The following DLG1 variants were observed in gnomAD, a reference collection of about 807,000 sequenced individuals.
The protein encoded by DLG1 is disks large homolog 1.
In DLG1, 42 loss-of-function variants were observed where a neutral mutation model predicts 123.4. That is an observed-to-expected ratio of 0.34 (90% CI 0.27 to 0.44). The LOEUF (loss-of-function observed/expected upper bound fraction) is 0.44. Ranked by LOEUF, DLG1 falls within the 20% of genes least tolerant of loss-of-function variation. DLG1 has a pLI of 1.00. For synonymous variants in DLG1, 317 were observed against 356.2 expected, an observed-to-expected ratio of 0.89 and a Z score of 1.24; for missense variants, 942 against 1,082.6, an observed-to-expected ratio of 0.87 and a Z score of 1.82.
chr3:197,297,448 A>T, intron 1 of DLG1: 1 of 1,378,492 alleles, frequency 7.3e-7, no homozygotes, highest in Non-Finnish European at 9.4e-7. Context: ...GAACAGACAG[A>T]AGTCGGCTTC....
At chr3:197,050,295 A>G (rs1726510306) in intron 24 of DLG1, among the ~76,000 whole-genome samples, 1 of 151,662 alleles carries the variant, frequency 6.6e-6, no homozygotes, top group African/African-American at 2.4e-5. Context: ...TGAACACGGA[A>G]GGCGGAGGTT....
intron 4 of DLG1, among the ~76,000 whole-genome samples, chr3:197,211,758 TA>T (rs1342250103): frequency 2.0e-5 from 3 of 146,390 alleles, no homozygotes; most frequent in African/African-American, 7.3e-5. Flanking sequence ...TTACTGGTTA[TA>T]TACCTAGAGG....
rs201399480 is a variant in DLG1 at position 197,207,703 on chromosome 3, T to C, written c.319-13114A>G. Among the ~76,000 whole-genome samples, 66 of 116,058 alleles carry C rather than the reference T, an allele frequency of 5.7e-4. 4 individuals carry two copies. Among genetic ancestry groups the C allele is most frequent in the South Asian group, 1.4e-3 (3 of 2,094 alleles). 76.1% of individuals were successfully genotyped at this position (116,058 alleles called of 152,430 possible). On this transcript the variant is annotated intron_variant, in intron 4 of 24. Coordinates refer to ENST00000667157, the MANE Select transcript of DLG1 (RefSeq NM_001366207.1). ...AGTGAAACAAAGATGAAAATCGGCA[T>C]ATAAATAGAAATTTGGTACTATTTT...
chr3:197,051,453 CTGG>C, intron 24 of DLG1, 121 bp downstream of exon 24: 1 of 700,868 alleles, frequency 1.4e-6, no homozygotes, highest in South Asian at 1.9e-5. Flanking sequence ...ACTGCCTAGG[CTGG>C]ATGATACTAG....
chr3:197,063,506 CTCT>C (rs1305199473), intron 22 of DLG1, among the ~76,000 whole-genome samples: 1 of 152,060 alleles, frequency 6.6e-6, no homozygotes, highest in African/African-American at 2.4e-5. Flanking sequence ...TTCCCATTTT[CTCT>C]TATTTTATAC....
intron 3 of DLG1, among the ~76,000 whole-genome samples, chr3:197,287,288 G>GATAAATAAAC (rs1560165586): frequency 1.3e-5 from 2 of 152,240 alleles, no homozygotes; most frequent in Non-Finnish European, 1.5e-5. Flanking sequence ...CTGCATGAGA[G>GATAAATAAAC]ATAAATAAAC....
Position 197,044,526 on chromosome 3 carries a change from CA to C in DLG1, c.*96del. 1.4e-6 allele frequency: 1 copy of C among 720,060 alleles called. No homozygotes were observed. The highest frequency in any genetic ancestry group is 2.3e-6 in the Non-Finnish European group (1 of 427,698). 44.6% of individuals were successfully genotyped at this position (720,060 alleles called of 1,614,324 possible). A position where few individuals can be genotyped will look rare whatever the true frequency, so the allele number is the denominator to read the frequency against. ...CCATGATGTGTGGGATACAATTCAA[CA>C]TGAAATCAGTACTCAAGAAAGACTC... On this transcript the variant is annotated 3_prime_UTR_variant, in exon 25 of 25. Coordinates refer to ENST00000667157, the MANE Select transcript of DLG1 (RefSeq NM_001366207.1).
intron 22 of DLG1, among the ~76,000 whole-genome samples, chr3:197,063,989 C>T (rs1737658310): frequency 6.8e-6 from 1 of 146,084 alleles, no homozygotes; most frequent in African/African-American, 2.6e-5. Flanking sequence ...AGTGCAGTGG[C>T]ATGGTTTTGG....
rs188353389 is a variant in DLG1, at chr3:197,238,441, G to A, written c.319-43852C>T. 1.1e-3 allele frequency among the ~76,000 whole-genome samples: 167 copies of A among 152,224 alleles called. 4 individuals carry two copies. Among genetic ancestry groups the A allele is most frequent in the Admixed American group, 0.011 (167 of 15,276 alleles). On this transcript the variant is annotated intron_variant, in intron 4 of 24. Transcript: ENST00000667157. ...AAAACTCACAGCAAAGAAATAGAAA[G>A]TCTAAGCAAAGAAATACAAGACACA...
intron 11 of DLG1, among the ~76,000 whole-genome samples, chr3:197,127,746 T>TAA (rs1319631120): frequency 6.6e-6 from 1 of 151,820 alleles, no homozygotes; most frequent in Admixed American, 6.6e-5. Context: ...TCAGAGATAT[T>TAA]ACAGTTCCAT....
At chr3:197,102,941 T>C (rs1764316205) in intron 14 of DLG1, among the ~76,000 whole-genome samples, 1 of 152,224 alleles carries the variant, frequency 6.6e-6, no homozygotes, top group Admixed American at 6.5e-5. Context: ...GCAGGAAAGA[T>C]AGAGGCACAG....
At chr3:197,101,646 C>T (rs1012733808) in intron 14 of DLG1, among the ~76,000 whole-genome samples, 3 of 152,086 alleles carry the variant, frequency 2.0e-5, no homozygotes, top group African/African-American at 7.2e-5. Context: ...GCCTAGGCCT[C>T]CCAAAATGCT....
intron 10 of DLG1, among the ~76,000 whole-genome samples, chr3:197,135,483 TG>T (rs1784631707): frequency 6.6e-6 from 1 of 152,194 alleles, no homozygotes; most frequent in Admixed American, 6.5e-5. Flanking sequence ...CCACCATGAC[TG>T]TAAGTTTCCT....
At chr3:197,083,089 T>C (rs1752178182) in intron 16 of DLG1, among the ~76,000 whole-genome samples, 1 of 152,236 alleles carries the variant, frequency 6.6e-6, no homozygotes, top group African/African-American at 2.4e-5. Context: ...GTTATGCTGA[T>C]TGCTGCATTG....
At chr3:197,287,111 C>T (rs956323412) in intron 3 of DLG1, among the ~76,000 whole-genome samples, 2 of 151,810 alleles carry the variant, frequency 1.3e-5, no homozygotes, top group Non-Finnish European at 2.9e-5. Flanking sequence ...GCTCAAGGAT[C>T]CTCCCACCCT....
intron 6 of DLG1, among the ~76,000 whole-genome samples, chr3:197,145,053 T>TCA (rs1397807957): frequency 6.3e-4 from 89 of 141,336 alleles, no homozygotes; most frequent in Non-Finnish European, 7.4e-4. Flanking sequence ...TCTCTCTCTC[T>TCA]CTCACACACA....
chr3:197,094,407 G>C (rs1010737826), intron 14 of DLG1, among the ~76,000 whole-genome samples: 2 of 152,120 alleles, frequency 1.3e-5, no homozygotes, highest in African/African-American at 4.8e-5. Flanking sequence ...TGTTCTAATG[G>C]CAAACTTTTG....
chr3:197,192,426 T>C (rs1393198933), intron 5 of DLG1, among the ~76,000 whole-genome samples: 1 of 150,644 alleles, frequency 6.6e-6, no homozygotes, highest in East Asian at 1.9e-4. Flanking sequence ...CTTGAGAAAC[T>C]AGAAAAACAA....
intron 5 of DLG1, among the ~76,000 whole-genome samples, chr3:197,170,988 G>A (rs948651133): frequency 6.6e-6 from 1 of 152,134 alleles, no homozygotes; most frequent in African/African-American, 2.4e-5. Context: ...AGATGGCAAG[G>A]AAAAGTATCA....
Sources: allele counts gnomAD v4.1 joint callset (sites outside exome capture counted in the v4.1 genomes callset), GRCh38; gene constraint gnomAD v4.1.1; transcripts MANE v1.5; gene names NCBI Gene and HGNC (gene_info 2026-07-23, HGNC 2026-07-21).